The following MTUS1 variants were observed in gnomAD, a reference collection of about 807,000 sequenced individuals.
The protein encoded by MTUS1 is microtubule associated scaffold protein 1, also known as microtubule-associated tumor suppressor 1.
In MTUS1, 109 loss-of-function variants were observed where a neutral mutation model predicts 120.8. That is an observed-to-expected ratio of 0.90 (90% CI 0.77 to 1.06). The LOEUF (loss-of-function observed/expected upper bound fraction) is 1.06, where lower values mean the gene tolerates loss of function less well. Ranked by LOEUF, MTUS1 falls within the 50% of genes least tolerant of loss-of-function variation. The pLI is 0.00. For synonymous variants in MTUS1, 737 were observed against 550.5 expected, an observed-to-expected ratio of 1.34 and a Z score of -4.74; for missense variants, 2,210 against 1,486.3, an observed-to-expected ratio of 1.49 and a Z score of -8.01.
intron 4 of MTUS1, chr8:17,722,349 T>C: frequency 2.1e-6 from 2 of 970,604 alleles, no homozygotes; most frequent in Non-Finnish European, 2.5e-6. Context: ...TTGGTGATTC[T>C]GTTTTGGCAG....
At chr8:17,667,256 G>A (rs182817186) in intron 8 of MTUS1, among the ~76,000 whole-genome samples, 6 of 152,316 alleles carry the variant, frequency 3.9e-5, no homozygotes, top group Non-Finnish European at 8.8e-5. Flanking sequence ...CTTCAAACAA[G>A]TCAGGGAGAT....
chr8:17,653,393 T>C (rs1374531480), intron 11 of MTUS1, 32 bp downstream of exon 11: 2 of 1,543,646 alleles, frequency 1.3e-6, no homozygotes, highest in Non-Finnish European at 1.8e-6. Context: ...TTTTTTTTTG[T>C]GGGGGATACT....
At chr8:17,758,984 C>T (rs997808918) in intron 1 of MTUS1, among the ~76,000 whole-genome samples, 3 of 152,170 alleles carry the variant, frequency 2.0e-5, no homozygotes, top group Non-Finnish European at 2.9e-5. Context: ...CGGGTTCAAG[C>T]GATTACCCTG....
At chr8:17,711,382 G>A (rs1821270195) in intron 6 of MTUS1, among the ~76,000 whole-genome samples, 1 of 152,202 alleles carries the variant, frequency 6.6e-6, no homozygotes, top group Non-Finnish European at 1.5e-5. Flanking sequence ...AGCACTTGCT[G>A]CTTCGCCCTG....
chr8:17,647,174 T>A lies in MTUS1; in HGVS notation c.3502-95A>T, dbSNP rs1585370774. ...TCACGACACAAGCACACTTTGGAGATTTAATTAAGGAAAATGCAATTCCAT... is the reference window on the plus strand; with the variant it reads ...TCACGACACAAGCACACTTTGGAGAATTAATTAAGGAAAATGCAATTCCAT... On this transcript the variant is annotated intron_variant, in intron 13 of 14. Transcript: ENST00000693296. 4 of 908,402 alleles carry A rather than the reference T, an allele frequency of 4.4e-6. No individual in the cohort carries two copies. In the African/African-American group the frequency reaches 6.8e-5, roughly 15 times the overall value. 56.3% of individuals were successfully genotyped at this position (908,402 alleles called of 1,614,324 possible).
At chr8:17,664,334 T>G (rs1810420184) in intron 8 of MTUS1, among the ~76,000 whole-genome samples, 1 of 152,138 alleles carries the variant, frequency 6.6e-6, no homozygotes, top group Non-Finnish European at 1.5e-5. Context: ...TAGCGCCACA[T>G]AAGAGAATAC....
intron 8 of MTUS1, among the ~76,000 whole-genome samples, chr8:17,656,395 G>A (rs1217308186): frequency 1.5e-4 from 23 of 151,964 alleles, no homozygotes; most frequent in Admixed American, 1.5e-3. Flanking sequence ...GGGCATGGTA[G>A]CAGGTGCCTG....
At chr8:17,722,356 G>A in intron 4 of MTUS1, 3 of 968,086 alleles carry the variant, frequency 3.1e-6, no homozygotes, top group Non-Finnish European at 3.7e-6. Context: ...TTCTGTTTTG[G>A]CAGTTTGTCT....
chr8:17,731,645 G>GA (rs1029389512), intron 3 of MTUS1, among the ~76,000 whole-genome samples: 3 of 150,388 alleles, frequency 2.0e-5, no homozygotes, highest in African/African-American at 7.3e-5. Flanking sequence ...ACATAAAAGT[G>GA]AAAAAAAATT....
At chr8:17,792,441 G>A (rs986231121) in intron 1 of MTUS1, among the ~76,000 whole-genome samples, 5 of 152,172 alleles carry the variant, frequency 3.3e-5, no homozygotes, top group African/African-American at 9.7e-5. Context: ...AAATGGTTTA[G>A]GTTTTCTCAT....
At chr8:17,732,935 G>T (rs879725574) in intron 3 of MTUS1, among the ~76,000 whole-genome samples, 2 of 152,054 alleles carry the variant, frequency 1.3e-5, no homozygotes, top group Non-Finnish European at 2.9e-5. Flanking sequence ...CCCGCAAGCT[G>T]ATCTCCCTGT....
chr8:17,747,267 A>C (rs1351935785), intron 2 of MTUS1, among the ~76,000 whole-genome samples: 2 of 152,130 alleles, frequency 1.3e-5, no homozygotes, highest in Non-Finnish European at 2.9e-5. Context: ...AAATCTTCTC[A>C]TATTTCTTCA....
chr8:17,697,123 A>T, intron 6 of MTUS1: 1 of 1,118,098 alleles, frequency 8.9e-7, no homozygotes, highest in Non-Finnish European at 1.2e-6. Context: ...TTTTTAAATT[A>T]AGCCTCATCT....
In MTUS1 at chr8:17,755,866, A is replaced by G; in HGVS notation, c.-59T>C. 6.5e-7 allele frequency: 1 copy of G among 1,544,620 alleles called. No individual in the cohort carries two copies. Among genetic ancestry groups the G allele is most frequent in the Non-Finnish European group, 8.7e-7 (1 of 1,151,090 alleles). ...TTTCTTCTTCAATTCCTTTTAAATG[A>G]GAGGGTGGGCAAAATGGTCTGTCTT... is the stretch of plus-strand genomic sequence containing the variant. On this transcript the variant is annotated 5_prime_UTR_variant, in exon 2 of 15. Transcript: ENST00000693296.
chr8:17,677,353 C>G (rs539416173), intron 7 of MTUS1, among the ~76,000 whole-genome samples: 1 of 152,094 alleles, frequency 6.6e-6, no homozygotes, highest in Non-Finnish European at 1.5e-5. Context: ...TTACTAAATG[C>G]CCACAAACAA....
chr8:17,708,299 AG>A (rs1368925412), intron 6 of MTUS1, among the ~76,000 whole-genome samples: 14 of 152,262 alleles, frequency 9.2e-5, no homozygotes, highest in Admixed American at 3.3e-4. Flanking sequence ...TGATTTGAAT[AG>A]ACACTTCTCC....
chr8:17,777,231 G>A (rs1485771534), intron 1 of MTUS1, among the ~76,000 whole-genome samples: 4 of 152,076 alleles, frequency 2.6e-5, no homozygotes, highest in African/African-American at 9.7e-5. Flanking sequence ...GAGGTCATGA[G>A]TTCGAGACCA....
rs960324269 is a variant in MTUS1 at position 17,644,291 on chromosome 8, A to G, written c.*1635T>C. ...TCACTAATTTAAAAGAACATGCAAC[A>G]TGAGTATCAACTTGCTATGTAGTGT... On this transcript the variant is annotated 3_prime_UTR_variant, in exon 15 of 15. Coordinates refer to ENST00000693296, the MANE Select transcript of MTUS1 (RefSeq NM_001363059.2). The G allele has an allele frequency of 2.0e-5, 3 of 152,686 alleles. No homozygotes were observed. Among genetic ancestry groups the G allele is most frequent in the African/African-American group, 4.8e-5 (2 of 41,480 alleles). 9.5% of individuals were successfully genotyped at this position (152,686 alleles called of 1,614,324 possible). A position where few individuals can be genotyped will look rare whatever the true frequency, so the allele number is the denominator to read the frequency against.
At chr8:17,731,528 T>C (rs1322289575) in intron 3 of MTUS1, among the ~76,000 whole-genome samples, 2 of 152,022 alleles carry the variant, frequency 1.3e-5, no homozygotes, top group Non-Finnish European at 1.5e-5. Context: ...GGGCTTAAGA[T>C]GAAACCATAA....
Sources: gnomAD v4.1 joint callset for allele counts (sites outside exome capture counted in the v4.1 genomes callset) on GRCh38, gnomAD v4.1.1 for gene constraint, MANE v1.5 for transcripts, NCBI Gene and HGNC (gene_info 2026-07-23, HGNC 2026-07-21) for gene names.